CUBN: variants seen among roughly 807,000 people sequenced by gnomAD.
The protein encoded by CUBN is cubilin, also known as 460 kDa receptor.
A neutral mutation model predicts 405.3 loss-of-function variants in CUBN; 282 were observed. The ratio of observed to expected loss-of-function variants is 0.70; its 90% CI spans 0.63 to 0.77. The LOEUF is 0.77. CUBN is among the 30% of genes least tolerant of loss of function. The probability of loss-of-function intolerance (pLI) is 0.00; values close to 1 mark genes in which losing one functional copy is unlikely to be tolerated. For synonymous variants in CUBN, 1,684 were observed against 1,617.0 expected (o/e 1.04, Z -0.99); for missense variants, 4,514 against 4,475.2 (o/e 1.01, Z -0.25).
intron 27 of CUBN, among the ~76,000 whole-genome samples, chr10:17,027,097 C>A (rs989578216): frequency 6.6e-6 from 1 of 152,206 alleles, no homozygotes; most frequent in African/African-American, 2.4e-5. Context: ...TCTGCTCTTA[C>A]TAGAATTTAC....
intron 56 of CUBN, among the ~76,000 whole-genome samples, chr10:16,878,053 C>G (rs1427447340): frequency 6.6e-6 from 1 of 152,194 alleles, no homozygotes; most frequent in Non-Finnish European, 1.5e-5. Context: ...TTTGGGAGGC[C>G]TAGGCGGGCG....
chr10:16,835,154 T>C lies in CUBN; in HGVS notation c.10222A>G (p.Ser3408Gly). 6.2e-7 allele frequency: 1 copy of C among 1,614,222 alleles called. No individual in the cohort carries two copies. The highest frequency in any genetic ancestry group is 8.5e-7 in the Non-Finnish European group (1 of 1,180,024). Residue 3408 changes from serine to glycine, a missense_variant, in exon 64 of 67, where the codon AGC (serine) becomes GGC (glycine). Physicochemically the swap from Ser to Gly is moderately conservative, Grantham distance 56. Coordinates refer to ENST00000377833, the MANE Select transcript of CUBN (RefSeq NM_001081.4). ...TCGTAGTTATCTGGCCATCCAGGGC[T>C]TCTCAGGTTGCCAAATGCCTTGTGA... ...DYHKAFGNLR[S>G]PGWPDNYDND...
intron 23 of CUBN, among the ~76,000 whole-genome samples, chr10:17,046,301 C>G (rs182771654): frequency 5.7e-4 from 86 of 152,152 alleles, no homozygotes; most frequent in Non-Finnish European, 9.9e-4. Context: ...AAAGAATAAC[C>G]ATCATTCATA....
intron 54 of CUBN, among the ~76,000 whole-genome samples, chr10:16,898,784 A>T (rs566615812): frequency 6.6e-6 from 1 of 152,284 alleles, no homozygotes; most frequent in Non-Finnish European, 1.5e-5. Context: ...TATATTATAA[A>T]GGGCATTTTT....
At chr10:16,909,026 G>T (rs569298750) in intron 48 of CUBN, among the ~76,000 whole-genome samples, 1 of 151,658 alleles carries the variant, frequency 6.6e-6, no homozygotes, top group East Asian at 1.9e-4. Context: ...GGGACTACAG[G>T]TGCCCGCCAC....
chr10:16,836,524 A>T, intron 62 of CUBN, 142 bp from the exon 63 acceptor site: 2 of 825,874 alleles, frequency 2.4e-6, no homozygotes, highest in Non-Finnish European at 4.0e-6. Context: ...GCTCTGCAAG[A>T]AGACTCACGT....
In CUBN at chr10:16,925,664, G is replaced by C; in HGVS notation, c.6382C>G (p.Leu2128Val). Residue 2128 changes from leucine to valine, a missense_variant, in exon 42 of 67, where the codon CTG (leucine) becomes GTG (valine). This residue lies in a region of CUBN where 1,613 missense variants were observed against 1,542.8 expected (regional missense o/e 1.05). Transcript: ENST00000377833. ...TGTTCAAAATGGACAGCAATGGTCAGGCCACTTTGGACCAGGACGTGCCAA... is the reference window on the plus strand; with the variant it reads ...TGTTCAAAATGGACAGCAATGGTCACGCCACTTTGGACCAGGACGTGCCAA... Reference protein sequence around the residue: ...CSWHVLVQSGLTIAVHFEQPF... With the variant: ...CSWHVLVQSGVTIAVHFEQPF... The C allele has an allele frequency of 6.2e-7, 1 of 1,614,050 alleles. No homozygotes were observed. The highest frequency in any genetic ancestry group is 8.5e-7 in the Non-Finnish European group (1 of 1,179,972).
At chr10:17,112,180 A>T (rs1008567010) in intron 8 of CUBN, among the ~76,000 whole-genome samples, 3 of 152,270 alleles carry the variant, frequency 2.0e-5, no homozygotes, top group Admixed American at 6.5e-5. Context: ...TTAAAGATTT[A>T]AAAATATTCA....
rs201587209 is a variant in CUBN, at chr10:16,984,128, G to A, written c.4502C>T (p.Ala1501Val). 5.6e-6 allele frequency: 9 copies of A among 1,613,934 alleles called. No homozygotes were observed. The highest frequency in any genetic ancestry group is 1.7e-5 in the Admixed American group (1 of 59,984). The change falls in exon 30 of 67, where the codon GCG (alanine) becomes GTG (valine). Residue 1501 changes from alanine (A) to valine (V), a missense_variant. Ala to Val is a moderately conservative substitution (Grantham distance 64). Transcript: ENST00000377833. ...DLSINGRGFN[A>V]SWQAVTGGCG... ...ACCTCCAGTGACTGCTTGCCATGACGCATTGAAGCCTCTCCCATTTATGGA... is the reference window on the plus strand; with the variant it reads ...ACCTCCAGTGACTGCTTGCCATGACACATTGAAGCCTCTCCCATTTATGGA...
At chr10:16,986,408 G>A (rs1222672537) in intron 29 of CUBN, among the ~76,000 whole-genome samples, 1 of 152,130 alleles carries the variant, frequency 6.6e-6, no homozygotes, top group Non-Finnish European at 1.5e-5. Context: ...AGAACAAGAA[G>A]CCTACTTTGG....
At chr10:16,953,202 T>C (rs1041827349) in intron 32 of CUBN, among the ~76,000 whole-genome samples, 8 of 152,084 alleles carry the variant, frequency 5.3e-5, no homozygotes, top group African/African-American at 1.2e-4. Context: ...TTCAGGAGGT[T>C]GTTACAGTCC....
At chr10:16,971,913 C>T (rs1832947668) in intron 31 of CUBN, among the ~76,000 whole-genome samples, 2 of 152,122 alleles carry the variant, frequency 1.3e-5, no homozygotes, top group African/African-American at 4.8e-5. Flanking sequence ...AGCTCAGAAG[C>T]TCCTGCACCT....
intron 6 of CUBN, among the ~76,000 whole-genome samples, chr10:17,120,315 T>C (rs7078169): frequency 0.91 from 139,124 of 152,254 alleles, 63,779 homozygotes; most frequent in Non-Finnish European, 0.95. Flanking sequence ...AAAAAGTCTC[T>C]AACATATGCC....
chr10:16,850,468 T>TTTTA (rs1177427043), intron 60 of CUBN, among the ~76,000 whole-genome samples: 52 of 152,214 alleles, frequency 3.4e-4, no homozygotes, highest in African/African-American at 1.2e-3. Context: ...TACTTTTTTA[T>TTTTA]TTTATTTATT....
At position 17,127,854 on chromosome 10, in the gene CUBN, C is replaced by T. The variant is rs543983858; in HGVS notation, c.323G>A (p.Ser108Asn). Residue 108 changes from serine to asparagine, a missense_variant, in exon 3 of 67, where the codon AGT (serine) becomes AAT (asparagine). Ser to Asn is a conservative substitution (Grantham distance 46). This residue lies in a region of CUBN where 1,448 missense variants were observed against 1,388.0 expected (regional missense o/e 1.04). Transcript: ENST00000377833. ...CTTGGAATTAAGCTGATAGATTTGA[C>T]TAGATATATTTTGAGGCAGACCAAT... ...SAIGLPQNIS[S>N]QIYQLNSKLV... 1.2e-4 allele frequency: 192 copies of T among 1,612,672 alleles called. No homozygotes were observed. Among genetic ancestry groups the T allele is most frequent in the Non-Finnish European group, 1.5e-4 (176 of 1,178,894 alleles).
intron 28 of CUBN, among the ~76,000 whole-genome samples, chr10:17,014,676 G>T (rs1166934784): frequency 6.6e-6 from 1 of 152,174 alleles, no homozygotes; most frequent in East Asian, 1.9e-4. Flanking sequence ...AAGAGATCTA[G>T]AGTCGCCTGC....
At chr10:16,953,988 C>T (rs1842986176) in intron 32 of CUBN, among the ~76,000 whole-genome samples, 1 of 152,054 alleles carries the variant, frequency 6.6e-6, no homozygotes, top group African/African-American at 2.4e-5. Flanking sequence ...TGGACAATGG[C>T]AGGATTCAGA....
At chr10:16,983,432 C>A (rs1166834725) in intron 30 of CUBN, among the ~76,000 whole-genome samples, 2 of 152,158 alleles carry the variant, frequency 1.3e-5, no homozygotes, top group African/African-American at 4.8e-5. Flanking sequence ...GAACTTTGGG[C>A]AAGACACTAA....
At chr10:17,041,825 A>T (rs1383252710) in intron 26 of CUBN, among the ~76,000 whole-genome samples, 1 of 152,168 alleles carries the variant, frequency 6.6e-6, no homozygotes, top group Non-Finnish European at 1.5e-5. Context: ...AGTAGAAAGG[A>T]TTTAAAGAAG....
Sources: allele counts gnomAD v4.1 joint callset (sites outside exome capture counted in the v4.1 genomes callset), GRCh38; gene constraint gnomAD v4.1.1; regional missense constraint gnomAD v4.1.1; transcripts MANE v1.5; gene names NCBI Gene and HGNC (gene_info 2026-07-23, HGNC 2026-07-21).